PTPRU: variants seen among roughly 807,000 people sequenced by gnomAD.
The protein encoded by PTPRU is protein tyrosine phosphatase receptor type U.
A neutral mutation model predicts 166.3 loss-of-function variants in PTPRU; 69 were observed. The ratio of observed to expected loss-of-function variants is 0.41; its 90% CI spans 0.34 to 0.51. The LOEUF is 0.51. Among genes scored for constraint, PTPRU ranks in the 20% least tolerant of loss-of-function variants. The pLI is 0.09. For missense variants in PTPRU, 1,657 were observed against 2,013.7 expected (o/e 0.82, Z 3.39); for synonymous variants, 793 against 814.0 (o/e 0.97, Z 0.44).
intron 18 of PTPRU, among the ~76,000 whole-genome samples, chr1:29,309,065 C>A (rs540374361): frequency 6.6e-6 from 1 of 152,080 alleles, no homozygotes. Context: ...GGAGGCTTTT[C>A]GTCATTAGTC....
rs1329155385 is a variant in PTPRU, at chr1:29,325,782, G to C, written c.*121G>C. On this transcript the variant is annotated 3_prime_UTR_variant, in exon 30 of 30. Coordinates refer to ENST00000373779, the MANE Select transcript of PTPRU (RefSeq NM_133178.4). Reference sequence around the variant, plus strand: ...ACACTCCCATGGGGCAAGCACTGGAGTGGATGCTGGGCTATCTTGCTCCCC... The same window carrying C: ...ACACTCCCATGGGGCAAGCACTGGACTGGATGCTGGGCTATCTTGCTCCCC... The C allele has an allele frequency of 9.0e-7, 1 of 1,112,592 alleles. No individual in the cohort carries two copies. Among genetic ancestry groups the C allele is most frequent in the Non-Finnish European group, 1.3e-6 (1 of 792,674 alleles). 68.9% of individuals were successfully genotyped at this position (1,112,592 alleles called of 1,614,324 possible).
chr1:29,286,059 G>A (rs549975934), intron 14 of PTPRU, among the ~76,000 whole-genome samples: 3 of 152,306 alleles, frequency 2.0e-5, no homozygotes, highest in East Asian at 1.9e-4. Flanking sequence ...TGCCAGGAGC[G>A]GATAATAGGA....
chr1:29,263,303 A>T (rs1301358527), intron 7 of PTPRU, among the ~76,000 whole-genome samples: 3 of 152,178 alleles, frequency 2.0e-5, no homozygotes, highest in Non-Finnish European at 2.9e-5. Context: ...ATTTAACATG[A>T]TGTTTTCAAG....
Position 29,259,582 on chromosome 1 carries a change from TCTTGGCTGGGGG to T in PTPRU, c.675+20_675+31del, listed in dbSNP as rs1340227987. On this transcript the variant is annotated intron_variant, in intron 5 of 29. Coordinates refer to ENST00000373779, the MANE Select transcript of PTPRU (RefSeq NM_133178.4). ...TCTTGCAAGTGAGCGGGAGCGGTGA[TCTTGGCTGGGGG>T]CGGGGTGGGAGGGGGTTGGTGGCTG... 1 of 1,466,294 alleles carries T rather than the reference TCTTGGCTGGGGG, an allele frequency of 6.8e-7. No individual in the cohort carries two copies. The highest frequency in any genetic ancestry group is 2.4e-5 in the East Asian group (1 of 42,422). 90.8% of individuals were successfully genotyped at this position (1,466,294 alleles called of 1,614,324 possible).
chr1:29,305,814 C>G (rs1054392028), intron 18 of PTPRU, among the ~76,000 whole-genome samples: 2 of 152,276 alleles, frequency 1.3e-5, no homozygotes, highest in Admixed American at 1.3e-4. Context: ...GGAGTGGGGG[C>G]TTTTTCCTAG....
At chr1:29,273,738 G>T (rs1390135778) in intron 7 of PTPRU, among the ~76,000 whole-genome samples, 1 of 152,070 alleles carries the variant, frequency 6.6e-6, no homozygotes, top group East Asian at 1.9e-4. Flanking sequence ...ATAGCATTCT[G>T]GTCCATAGAG....
intron 1 of PTPRU, among the ~76,000 whole-genome samples, chr1:29,253,119 A>G (rs1225476400): frequency 6.6e-6 from 1 of 152,238 alleles, no homozygotes; most frequent in African/African-American, 2.4e-5. Flanking sequence ...GATATTGCAA[A>G]GGATACAGAT....
Position 29,280,208 on chromosome 1 carries a change from G to T in PTPRU, c.1868+67G>T. The T allele has an allele frequency of 6.9e-7, 1 of 1,457,672 alleles. No homozygotes were observed. The highest frequency in any genetic ancestry group is 1.2e-5 in the South Asian group (1 of 84,956). 90.3% of individuals were successfully genotyped at this position (1,457,672 alleles called of 1,614,324 possible). A position where few individuals can be genotyped will look rare whatever the true frequency, so the allele number is the denominator to read the frequency against. ...GGAAAGAGGCCCCTCCTCTGACCCA[G>T]AGCCCCATCCCAGGCCAGCTCACCC... On this transcript the variant is annotated intron_variant, in intron 11 of 29. Coordinates refer to ENST00000373779, the MANE Select transcript of PTPRU (RefSeq NM_133178.4). The surrounding 1 kb of genome is among the most constrained non-coding windows in gnomAD (Gnocchi z 4.2).
At chr1:29,261,173 C>G (rs1158493384) in intron 7 of PTPRU, among the ~76,000 whole-genome samples, 2 of 152,168 alleles carry the variant, frequency 1.3e-5, no homozygotes, top group Non-Finnish European at 2.9e-5. Context: ...TTGTCGTACC[C>G]ATTTTAGATG....
intron 26 of PTPRU, among the ~76,000 whole-genome samples, chr1:29,321,112 C>A (rs1688138418): frequency 6.6e-6 from 1 of 152,080 alleles, no homozygotes; most frequent in Non-Finnish European, 1.5e-5. Context: ...AGTTGTGCAG[C>A]CTCGACCTCT....
intron 5 of PTPRU, 33 bp downstream of exon 5, chr1:29,259,597 G>T: frequency 6.7e-7 from 1 of 1,501,366 alleles, no homozygotes; most frequent in South Asian, 1.2e-5. Flanking sequence ...GCTGGGGGCG[G>T]GGTGGGAGGG....
rs200174460 is a variant in PTPRU, at chr1:29,323,487, C to T, written c.3945C>T (p.Asn1315=). 6 of 1,608,540 alleles carry T rather than the reference C, an allele frequency of 3.7e-6. No individual in the cohort carries two copies. The African/African-American group carries it at 4.0e-5, about 11-fold the overall frequency. ...TGGCTCGAGTCTTCCGGGTGCAGAA[C>T]ATCTCTCGGGTGAGTGGTCTGAGGA... ...DLVARVFRVQ[N]ISRLQEGHLL... The change falls in exon 27 of 30, where the codon AAC becomes AAT. Residue 1315 remains asparagine, a synonymous_variant. Coordinates refer to ENST00000373779, the MANE Select transcript of PTPRU (RefSeq NM_133178.4).
At position 29,291,969 on chromosome 1, in the gene PTPRU, CA is replaced by C; in HGVS notation, c.2420del (p.Gln807ArgfsTer70). The C allele has an allele frequency of 6.2e-7, 1 of 1,614,202 alleles. No individual in the cohort carries two copies. The highest frequency in any genetic ancestry group is 2.2e-5 in the East Asian group (1 of 44,872). ...CAGCTTCACAGACCAGAGCACCCTG[CA>C]GGAGGACGAGCGGCTGGGCCTGTCC... The part of the protein sequence containing the change: ...DRSFTDQSTL[Q>X]EDERLGLSFM... On this transcript the variant is annotated frameshift_variant, in exon 15 of 30. Coordinates refer to ENST00000373779, the MANE Select transcript of PTPRU (RefSeq NM_133178.4). LOFTEE classifies it high-confidence loss of function. The surrounding 1 kb of genome is among the most constrained non-coding windows in gnomAD (Gnocchi z 4.1).
At chr1:29,281,880 T>C (rs1016221134) in intron 11 of PTPRU, among the ~76,000 whole-genome samples, 2 of 152,242 alleles carry the variant, frequency 1.3e-5, no homozygotes, top group African/African-American at 4.8e-5. Flanking sequence ...TGGAAATATT[T>C]AAATTTGTCA....
Position 29,305,409 on chromosome 1 carries a change from T to C in PTPRU, c.2801T>C (p.Ile934Thr), listed in dbSNP as rs768435626. 28 of 1,613,892 alleles carry C rather than the reference T, an allele frequency of 1.7e-5. 1 individual carries two copies. The South Asian group carries it at 2.9e-4, about 16-fold the overall frequency. Residue 934 changes from isoleucine (I) to threonine (T), a missense_variant, in exon 18 of 30, where the codon ATT becomes ACT. By Grantham distance (89) the Ile-to-Thr change is moderately conservative (BLOSUM62 -1). This residue lies in a region of PTPRU where 1,190 missense variants were observed against 1,477.4 expected (regional missense o/e 0.81). Coordinates refer to ENST00000373779, the MANE Select transcript of PTPRU (RefSeq NM_133178.4). ...PMLGDPNADY[I>T]NANYIDGYHR... ...CTGGGAGACCCCAATGCCGACTACA[T>C]TAATGCCAACTACATAGATGTGAGT...
chr1:29,261,799 C>T (rs891903493), intron 7 of PTPRU, among the ~76,000 whole-genome samples: 1 of 152,086 alleles, frequency 6.6e-6, no homozygotes, highest in Non-Finnish European at 1.5e-5. Flanking sequence ...TTCCAAAGTG[C>T]TAAGATTATA....
intron 1 of PTPRU, among the ~76,000 whole-genome samples, chr1:29,245,558 AG>A (rs1282298973): frequency 5.3e-5 from 8 of 152,290 alleles, no homozygotes; most frequent in Non-Finnish European, 1.0e-4. Context: ...CCTGTGTCTC[AG>A]CCCTCTACTT....
At position 29,238,601 on chromosome 1, in the gene PTPRU, C is replaced by T. The variant is rs977537473; in HGVS notation, c.73+1884C>T. On this transcript the variant is annotated intron_variant, in intron 1 of 29. Transcript: ENST00000373779. The surrounding 1 kb of genome is among the most constrained non-coding windows in gnomAD (Gnocchi z 6.1). The stretch of plus-strand genomic sequence containing the variant: ...CCACTGGCCAGCGCTTGGGCCTCGC[C>T]CTGCAGCTCCGGGGCCATAGGGCAC... Among the ~76,000 whole-genome samples the T allele has an allele frequency of 2.0e-5, 3 of 152,222 alleles. No homozygotes were observed. Among genetic ancestry groups the T allele is most frequent in the Non-Finnish European group, 4.4e-5 (3 of 68,038 alleles).
chr1:29,318,264 G>T (rs777878105), intron 25 of PTPRU, among the ~76,000 whole-genome samples: 7 of 152,224 alleles, frequency 4.6e-5, no homozygotes, highest in Non-Finnish European at 1.0e-4. Context: ...CTGATGTCTG[G>T]AAGCAGGGGA....
Sources: gnomAD v4.1 joint callset for allele counts (sites outside exome capture counted in the v4.1 genomes callset) on GRCh38, gnomAD v4.1.1 for gene constraint, gnomAD v4.1.1 regional missense constraint, Gnocchi (gnomAD v3.1) non-coding constraint, MANE v1.5 for transcripts, NCBI Gene and HGNC (gene_info 2026-07-23, HGNC 2026-07-21) for gene names.